Variants in VIRMA observed in about 807,000 individuals in gnomAD.
The protein encoded by VIRMA is vir like m6A methyltransferase associated, also known as protein virilizer homolog.
Under a neutral mutation model 182.4 loss-of-function variants are expected in VIRMA, and 65 were observed. That is an observed-to-expected ratio of 0.36 (90% CI 0.29 to 0.44). The LOEUF is 0.44. VIRMA is among the 20% of genes least tolerant of loss of function. The pLI is 1.00. For missense variants in VIRMA, 1,752 were observed against 2,158.1 expected (o/e 0.81, Z 3.73); for synonymous variants, 709 against 743.1 (o/e 0.95, Z 0.75).
At chr8:94,511,069 TTA>T in intron 13 of VIRMA, 114 bp downstream of exon 13, 1 of 1,457,130 alleles carries the variant, frequency 6.9e-7, no homozygotes, top group Non-Finnish European at 9.0e-7. Flanking sequence ...TCCGGTTATT[TTA>T]TGTCTTTTTG....
intron 1 of VIRMA, among the ~76,000 whole-genome samples, chr8:94,549,413 T>C (rs977417110): frequency 2.6e-5 from 4 of 152,208 alleles, no homozygotes; most frequent in African/African-American, 9.6e-5. Context: ...GTGTTTTTCA[T>C]AAATAATTGT....
intron 8 of VIRMA, among the ~76,000 whole-genome samples, chr8:94,519,847 T>C (rs1814700522): frequency 2.0e-5 from 3 of 152,138 alleles, no homozygotes; most frequent in African/African-American, 7.2e-5. Flanking sequence ...AAAAATATAG[T>C]ATATACAGTC....
intron 21 of VIRMA, among the ~76,000 whole-genome samples, chr8:94,492,448 T>C (rs1354508677): frequency 2.0e-5 from 3 of 151,874 alleles, no homozygotes; most frequent in Non-Finnish European, 4.4e-5. Flanking sequence ...CACGACCAGC[T>C]AATTTTTTTT....
intron 8 of VIRMA, among the ~76,000 whole-genome samples, chr8:94,520,508 AAGAC>A (rs574042129): frequency 3.0e-4 from 45 of 152,304 alleles, no homozygotes; most frequent in African/African-American, 1.1e-3. Flanking sequence ...TCAAAAAAAA[AAGAC>A]AGAAAAGAAT....
Position 94,530,820 on chromosome 8 carries a change from G to A in VIRMA, c.607+143C>T, listed in dbSNP as rs531748026. ...CCAGCTACTTAGGAGGCTGAGGTGA[G>A]AGGATCACTTAAGCCCAGGTGGTCA... is the stretch of plus-strand genomic sequence containing the variant. On this transcript the variant is annotated intron_variant, in intron 6 of 23. Transcript: ENST00000297591. The A allele has an allele frequency of 8.3e-6, 6 of 723,928 alleles. No individual in the cohort carries two copies. In the East Asian group the frequency reaches 1.3e-4, roughly 16 times the overall value. The allele number at this position is 723,928 out of a possible 1,614,324, so 44.8% of individuals were successfully genotyped here.
intron 7 of VIRMA, among the ~76,000 whole-genome samples, chr8:94,528,706 A>G (rs1815055028): frequency 6.6e-6 from 1 of 151,964 alleles, no homozygotes; most frequent in South Asian, 2.1e-4. Context: ...TAGCTTTACC[A>G]CTCCTTACTC....
rs1376171010 is a variant in VIRMA, at chr8:94,548,125, G to C, written c.64-4183C>G. Among the ~76,000 whole-genome samples, 2 of 150,180 alleles carry C rather than the reference G, an allele frequency of 1.3e-5. 1 individual carries two copies. Among genetic ancestry groups the C allele is most frequent in the African/African-American group, 5.0e-5 (2 of 39,968 alleles). On this transcript the variant is annotated intron_variant, in intron 1 of 23. Transcript: ENST00000297591. ...GAATATCTAAGGAGAGAAACAAGAT[G>C]GTTAGGGGACAGTGATGAGACTTAC...
Position 94,529,212 on chromosome 8 carries a change from T to A in VIRMA, c.738A>T (p.Glu246Asp). Residue 246 changes from glutamate to aspartate, a missense_variant, in exon 7 of 24, where the codon GAA becomes GAT. Around this residue, in one of 11 missense-constraint regions of VIRMA, gnomAD observed 114 missense variants for 106.9 expected, o/e 1.07. Transcript: ENST00000297591. ...CATCATCTTCATCTTCTTCTCCTTCTTCTTGTTGTTCCTCTTCTACTTCTC... is the reference window on the plus strand; with the variant it reads ...CATCATCTTCATCTTCTTCTCCTTCATCTTGTTGTTCCTCTTCTACTTCTC... ...DEGEVEEEQQ[E>D]EGEEDEDDVD... 2 of 1,522,396 alleles carry A rather than the reference T, an allele frequency of 1.3e-6. No individual in the cohort carries two copies. The highest frequency in any genetic ancestry group is 1.8e-6 in the Non-Finnish European group (2 of 1,096,716). The allele number at this position is 1,522,396 out of a possible 1,614,324, so 94.3% of individuals were successfully genotyped here.
chr8:94,530,496 CAAAAAA>C (rs35685716), intron 6 of VIRMA, among the ~76,000 whole-genome samples: 1 of 79,078 alleles, frequency 1.3e-5, no homozygotes, highest in African/African-American at 4.1e-5. Context: ...AAACCTGTCT[CAAAAAA>C]AAAAAAAAGA....
chr8:94,535,077 C>A, intron 4 of VIRMA, 70 bp from the exon 5 acceptor site: 1 of 1,510,758 alleles, frequency 6.6e-7, no homozygotes, highest in Non-Finnish European at 8.8e-7. Context: ...TAGCTGATAC[C>A]AAATTAGATT....
At chr8:94,518,856 C>T (rs1814653026) in intron 9 of VIRMA, 129 bp downstream of exon 9, 3 of 849,638 alleles carry the variant, frequency 3.5e-6, no homozygotes, top group South Asian at 1.7e-5. Flanking sequence ...CTTTAATTAA[C>T]AAGTTTTGTG....
Position 94,492,180 on chromosome 8 carries a change from T to C in VIRMA, c.4809-271A>G, listed in dbSNP as rs116245268. Among the ~76,000 whole-genome samples, 1,003 of 152,264 alleles carry C rather than the reference T, an allele frequency of 6.6e-3. 8 individuals carry two copies. The highest frequency in any genetic ancestry group is 0.023 in the African/African-American group (947 of 41,540). On this transcript the variant is annotated intron_variant, in intron 21 of 23. Transcript: ENST00000297591. The stretch of plus-strand genomic sequence containing the variant: ...GTAGAAAACAATATAACAAATGTAC[T>C]GGGTATATCCTGGCCAAATTATTAC...
chr8:94,489,137 GATAA>G (rs1324795413), intron 23 of VIRMA, among the ~76,000 whole-genome samples: 2 of 151,916 alleles, frequency 1.3e-5, no homozygotes, highest in Non-Finnish European at 2.9e-5. Context: ...TTCTGGACTA[GATAA>G]ATGTTTTAAA....
intron 19 of VIRMA, among the ~76,000 whole-genome samples, chr8:94,495,288 G>A (rs1052021794): frequency 6.6e-6 from 1 of 152,166 alleles, no homozygotes; most frequent in African/African-American, 2.4e-5. Flanking sequence ...ATAGTCGTGA[G>A]CCAATATGCC....
Position 94,519,374 on chromosome 8 carries a change from C to T in VIRMA, c.2124G>A (p.Leu708=). 6.3e-7 allele frequency: 1 copy of T among 1,576,544 alleles called. No individual in the cohort carries two copies. Among genetic ancestry groups the T allele is most frequent in the Non-Finnish European group, 8.6e-7 (1 of 1,165,880 alleles). ...PGVLQATKDV[L]KFLAQSQKGL... The stretch of plus-strand genomic sequence containing the variant: ...CCTTCTGTGACTGTGCAAGAAACTT[C>T]AAAACATCTTTTGTGGCTTGCAGCA... Residue 708 remains leucine, a synonymous_variant, in exon 9 of 24, where the codon TTG becomes TTA. Coordinates refer to ENST00000297591, the MANE Select transcript of VIRMA (RefSeq NM_015496.5).
chr8:94,506,070 A>T (rs1282681815), intron 16 of VIRMA, among the ~76,000 whole-genome samples: 2 of 152,194 alleles, frequency 1.3e-5, no homozygotes, highest in Non-Finnish European at 2.9e-5. Context: ...TATATAATGG[A>T]CTTGAGCATC....
intron 21 of VIRMA, 146 bp from the exon 22 acceptor site, chr8:94,492,055 A>G (rs1234157803): frequency 5.2e-6 from 3 of 581,228 alleles, no homozygotes; most frequent in Admixed American, 3.4e-5. Flanking sequence ...CTGGGATAAT[A>G]TAACAAACTA....
In VIRMA at chr8:94,511,166, T is replaced by C. The variant is rs1036800645; in HGVS notation, c.3390+19A>G. The C allele has an allele frequency of 4.4e-6, 7 of 1,603,980 alleles. No homozygotes were observed. Among genetic ancestry groups the C allele is most frequent in the African/African-American group, 4.0e-5 (3 of 74,138 alleles). ...TTACTGCAGTCATTTATAAGATGCA[T>C]GTTATATGGAAGTGATACCTGAGTT... On this transcript the variant is annotated intron_variant, in intron 13 of 23. Transcript: ENST00000297591.
chr8:94,543,222 T>G (rs1815626413), intron 2 of VIRMA, among the ~76,000 whole-genome samples: 1 of 151,574 alleles, frequency 6.6e-6, no homozygotes, highest in South Asian at 2.1e-4. Flanking sequence ...CTGACCAATA[T>G]GGTGAAACCC....
Sources: allele counts gnomAD v4.1 joint callset (sites outside exome capture counted in the v4.1 genomes callset), GRCh38; gene constraint gnomAD v4.1.1; regional missense constraint gnomAD v4.1.1; transcripts MANE v1.5; gene names NCBI Gene and HGNC (gene_info 2026-07-23, HGNC 2026-07-21).